Variants in CARMIL2 observed in about 807,000 individuals in gnomAD.
The protein encoded by CARMIL2 is capping protein, Arp2/3 and myosin-I linker protein 2.
Under a neutral mutation model 173.3 loss-of-function variants are expected in CARMIL2, and 96 were observed. The ratio of observed to expected loss-of-function variants is 0.55; its 90% confidence interval spans 0.47 to 0.66. The LOEUF is 0.66. Ranked by LOEUF, CARMIL2 falls within the 30% of genes least tolerant of loss-of-function variation. The probability of loss-of-function intolerance (pLI) is 0.00; values close to 1 mark genes in which losing one functional copy is unlikely to be tolerated. For missense variants in CARMIL2, 1,771 were observed against 1,906.7 expected (o/e 0.93, Z 1.33); for synonymous variants, 830 against 817.1 (o/e 1.02, Z -0.27).
rs2052752400 is a variant in CARMIL2 at position 67,652,821 on chromosome 16, C to T, written c.2885-198C>T. ...CGCATGCTGGGCGGCGGCGCGGAGC[C>T]GCGCGCGCTCGGGGCCGCGCTCAGC... On this transcript the variant is annotated intron_variant, in intron 28 of 37. Coordinates refer to ENST00000334583, the MANE Select transcript of CARMIL2 (RefSeq NM_001013838.3). This position sits in a 1 kb window ranked among gnomAD's most constrained non-coding sequence, Gnocchi z 4.7. The T allele has an allele frequency of 3.8e-6, 1 of 264,868 alleles. No homozygotes were observed. Among genetic ancestry groups the T allele is most frequent in the Non-Finnish European group, 7.1e-6 (1 of 140,946 alleles). 16.4% of individuals were successfully genotyped at this position (264,868 alleles called of 1,614,324 possible). A position where few individuals can be genotyped will look rare whatever the true frequency, so the allele number is the denominator to read the frequency against.
At position 67,654,191 on chromosome 16, in the gene CARMIL2, C is replaced by T. The variant is rs754865630; in HGVS notation, c.3163C>T (p.Arg1055Cys). The change falls in exon 30 of 38, where the codon CGC becomes TGC. Residue 1055 changes from arginine (R) to cysteine (C), a missense_variant. This residue lies in a region of CARMIL2 where 817 missense variants were observed against 903.5 expected (regional missense o/e 0.90). Transcript: ENST00000334583. ...LPQEGNGLSA[R>C]VDEGVEEFFS... is the part of the protein sequence containing the mutation. Reference sequence around the variant, plus strand: ...GCAGGAAGGGAATGGGCTCAGTGCCCGCGTGGACGAGGGCGTGGAGGAATT... The same window carrying T: ...GCAGGAAGGGAATGGGCTCAGTGCCTGCGTGGACGAGGGCGTGGAGGAATT... 2 of 1,569,494 alleles carry T rather than the reference C, an allele frequency of 1.3e-6. No homozygotes were observed. The highest frequency in any genetic ancestry group is 1.7e-6 in the Non-Finnish European group (2 of 1,157,814).
At chr16:67,655,944 T>C (rs2052839770) in intron 32 of CARMIL2, 87 bp from the exon 33 acceptor site, 2 of 1,493,842 alleles carry the variant, frequency 1.3e-6, no homozygotes, top group Admixed American at 2.0e-5. Context: ...GGGCATTCAG[T>C]GGCAGGATTA....
chr16:67,648,193 G>A lies in CARMIL2; in HGVS notation c.1213G>A (p.Gly405Arg). Residue 405 changes from glycine to arginine, a missense_variant, in exon 14 of 38, where the codon GGG becomes AGG. By Grantham distance (125) the Gly-to-Arg change is moderately radical. Coordinates refer to ENST00000334583, the MANE Select transcript of CARMIL2 (RefSeq NM_001013838.3). This position sits in a 1 kb window ranked among gnomAD's most constrained non-coding sequence, Gnocchi z 6.1. ...GGCGGACTGGAGGGCGGGACGGGGA[G>A]GGCTCGGTCCCCCCGCGGGTGTAGC... ...GRADWRAGRG[G>R]LGPPAGVANS... 1.2e-6 allele frequency: 2 copies of A among 1,607,536 alleles called. No homozygotes were observed. The highest frequency in any genetic ancestry group is 1.7e-6 in the Non-Finnish European group (2 of 1,177,578).
rs1207072472 is a variant in CARMIL2, at chr16:67,653,012, C to T, written c.2885-7C>T. ...CGCTCGGTGCTCTTCTGGTGCTGTC[C>T]CCTCAGGTGCTGCTGAGGAAGCGGA... is the stretch of plus-strand genomic sequence containing the variant. On this transcript the variant is annotated splice_polypyrimidine_tract_variant and splice_region_variant and intron_variant, in intron 28 of 37. Transcript: ENST00000334583. The surrounding 1 kb of genome is among the most constrained non-coding windows in gnomAD (Gnocchi z 7.4). 2.4e-6 allele frequency: 3 copies of T among 1,253,056 alleles called. No homozygotes were observed. Among genetic ancestry groups the T allele is most frequent in the Non-Finnish European group, 3.1e-6 (3 of 976,034 alleles). The allele number at this position is 1,253,056 out of a possible 1,614,324, so 77.6% of individuals were successfully genotyped here.
Position 67,646,322 on chromosome 16 carries a change from C to G in CARMIL2, c.374+12C>G, listed in dbSNP as rs779379712. ...CGCTCGACCCTTGGGTGAGGCCTGG[C>G]AAATTCGAGGGGCTGGCAGGGGAGG... On this transcript the variant is annotated intron_variant, in intron 5 of 37. Coordinates refer to ENST00000334583, the MANE Select transcript of CARMIL2 (RefSeq NM_001013838.3). This position sits in a 1 kb window ranked among gnomAD's most constrained non-coding sequence, Gnocchi z 4.6. 5.0e-6 allele frequency: 8 copies of G among 1,611,468 alleles called. No homozygotes were observed. The Admixed American group carries it at 1.3e-4, about 27-fold the overall frequency.
Position 67,654,622 on chromosome 16 carries a change from A to C in CARMIL2, c.3512A>C (p.Asp1171Ala). 6.3e-7 allele frequency: 1 copy of C among 1,598,588 alleles called. No individual in the cohort carries two copies. The highest frequency in any genetic ancestry group is 1.3e-5 in the African/African-American group (1 of 74,544). Residue 1171 changes from aspartate to alanine, a missense_variant, in exon 31 of 38, where the codon GAT (aspartate) becomes GCT (alanine). By Grantham distance (126) the Asp-to-Ala change is moderately radical. Transcript: ENST00000334583. ...AGGAGCCGACCTCGCTACACAAGAG[A>C]TAGCAAGGCCTACTCGATGATACTG... ...AGRSRPRYTR[D>A]SKAYSMILLP...
At position 67,646,059 on chromosome 16, in the gene CARMIL2, G is replaced by A. The variant is rs765042858; in HGVS notation, c.228G>A (p.Ala76=). 1.5e-5 allele frequency: 24 copies of A among 1,613,798 alleles called. No homozygotes were observed. The highest frequency in any genetic ancestry group is 1.2e-4 in the South Asian group (11 of 91,084). Residue 76 remains alanine (A), a synonymous_variant, in exon 4 of 38, where the codon GCG becomes GCA. Transcript: ENST00000334583. This position sits in a 1 kb window ranked among gnomAD's most constrained non-coding sequence, Gnocchi z 4.6. The part of the protein sequence containing the change: ...TFSYLEVQAM[A]LQETPPQVTF... The stretch of plus-strand genomic sequence containing the variant: ...GCTACCTGGAGGTCCAGGCCATGGC[G>A]CTGCAGGAGACACCCCCTCAGGTGA...
In CARMIL2 at chr16:67,651,063, A is replaced by G; in HGVS notation, c.2185-124A>G. The stretch of plus-strand genomic sequence containing the variant: ...CCCTCCTTGAACAGATAGGGTTCCA[A>G]AGTGGCTGGTCTAAGGGTGTCAGCT... On this transcript the variant is annotated intron_variant, in intron 22 of 37. Coordinates refer to ENST00000334583, the MANE Select transcript of CARMIL2 (RefSeq NM_001013838.3). This position sits in a 1 kb window ranked among gnomAD's most constrained non-coding sequence, Gnocchi z 4.2. The G allele has an allele frequency of 9.0e-7, 1 of 1,114,588 alleles. No individual in the cohort carries two copies. The highest frequency in any genetic ancestry group is 2.7e-5 in the Admixed American group (1 of 37,480). 69.0% of individuals were successfully genotyped at this position (1,114,588 alleles called of 1,614,324 possible).
At position 67,656,471 on chromosome 16, in the gene CARMIL2, A is replaced by C. The variant is rs2052858671; in HGVS notation, c.3862A>C (p.Thr1288Pro). ...AGGGAGCCAGGGGCCTGAGTCTGCCACCTGGAAGACACTGGGGCAGCAGTT... is the reference window on the plus strand; with the variant it reads ...AGGGAGCCAGGGGCCTGAGTCTGCCCCCTGGAAGACACTGGGGCAGCAGTT... ...GPGSQGPESA[T>P]WKTLGQQLNA... The change falls in exon 35 of 38, where the codon ACC becomes CCC. Residue 1288 changes from threonine to proline, a missense_variant. Coordinates refer to ENST00000334583, the MANE Select transcript of CARMIL2 (RefSeq NM_001013838.3). 1 of 1,612,082 alleles carries C rather than the reference A, an allele frequency of 6.2e-7. No homozygotes were observed. Among genetic ancestry groups the C allele is most frequent in the African/African-American group, 1.3e-5 (1 of 74,890 alleles).
chr16:67,648,198 C>G lies in CARMIL2; in HGVS notation c.1218C>G (p.Leu406=), dbSNP rs1398556971. The change falls in exon 14 of 38, where the codon CTC becomes CTG. Residue 406 remains leucine (L), a synonymous_variant. Transcript: ENST00000334583. This position sits in a 1 kb window ranked among gnomAD's most constrained non-coding sequence, Gnocchi z 6.1. ...RADWRAGRGG[L]GPPAGVANSL... is the part of the protein sequence containing the mutation. Reference sequence around the variant, plus strand: ...ACTGGAGGGCGGGACGGGGAGGGCTCGGTCCCCCCGCGGGTGTAGCCAACA... The same window carrying G: ...ACTGGAGGGCGGGACGGGGAGGGCTGGGTCCCCCCGCGGGTGTAGCCAACA... The G allele has an allele frequency of 6.2e-7, 1 of 1,605,262 alleles. No homozygotes were observed. Among genetic ancestry groups the G allele is most frequent in the Non-Finnish European group, 8.5e-7 (1 of 1,176,738 alleles).
At position 67,648,177 on chromosome 16, in the gene CARMIL2, G is replaced by C; in HGVS notation, c.1197G>C (p.Trp399Cys). 6.2e-7 allele frequency: 1 copy of C among 1,610,366 alleles called. No individual in the cohort carries two copies. Among genetic ancestry groups the C allele is most frequent in the Non-Finnish European group, 8.5e-7 (1 of 1,178,642 alleles). The part of the protein sequence containing the change: ...VGGWMTGRAD[W>C]RAGRGGLGPP... ...GATGGATGACCGGCAGGGCGGACTG[G>C]AGGGCGGGACGGGGAGGGCTCGGTC... The change falls in exon 14 of 38, where the codon TGG (tryptophan) becomes TGC (cysteine). Residue 399 changes from tryptophan (W) to cysteine (C), a missense_variant. Around this residue, in one of 3 missense-constraint regions of CARMIL2, gnomAD observed 944 missense variants for 975.6 expected, o/e 0.97. Transcript: ENST00000334583. The surrounding 1 kb of genome is among the most constrained non-coding windows in gnomAD (Gnocchi z 6.1).
chr16:67,649,370 T>C lies in CARMIL2; in HGVS notation c.1746+59T>C. 1 of 1,609,230 alleles carries C rather than the reference T, an allele frequency of 6.2e-7. No homozygotes were observed. On this transcript the variant is annotated intron_variant, in intron 19 of 37. Coordinates refer to ENST00000334583, the MANE Select transcript of CARMIL2 (RefSeq NM_001013838.3). The surrounding 1 kb of genome is among the most constrained non-coding windows in gnomAD (Gnocchi z 6.7). ...ATTAGACCACTTTGGTCCTCCTTTCTCTTGTTCCCTCAGACCCTGTGACCT... is the reference window on the plus strand; with the variant it reads ...ATTAGACCACTTTGGTCCTCCTTTCCCTTGTTCCCTCAGACCCTGTGACCT...
chr16:67,651,776 T>TGG lies in CARMIL2; in HGVS notation c.2520_2521dup (p.Ala841GlyfsTer46). The TGG allele has an allele frequency of 6.2e-7, 1 of 1,607,150 alleles. No individual in the cohort carries two copies. Among genetic ancestry groups the TGG allele is most frequent in the Non-Finnish European group, 8.5e-7 (1 of 1,177,448 alleles). ...TGGAGGGAGCAGCTAGAGGGGGTCC[T>TGG]GGCAGGCTCGAGGGGCCTCCCGGAG... is the stretch of plus-strand genomic sequence containing the variant. On this transcript the variant is annotated frameshift_variant, in exon 25 of 38. Coordinates refer to ENST00000334583, the MANE Select transcript of CARMIL2 (RefSeq NM_001013838.3). LOFTEE classifies it high-confidence loss of function. This position sits in a 1 kb window ranked among gnomAD's most constrained non-coding sequence, Gnocchi z 4.2.
chr16:67,645,492 G>T (rs769508219), intron 1 of CARMIL2, 48 bp from the exon 2 acceptor site: 9 of 1,504,208 alleles, frequency 6.0e-6, no homozygotes, highest in Non-Finnish European at 8.2e-6. Flanking sequence ...GGGCACCAGT[G>T]GCTTCTGTGC....
Position 67,648,893 on chromosome 16 carries a change from C to T in CARMIL2, c.1510C>T (p.Leu504=). 1 of 1,603,314 alleles carries T rather than the reference C, an allele frequency of 6.2e-7. No homozygotes were observed. Among genetic ancestry groups the T allele is most frequent in the Non-Finnish European group, 8.5e-7 (1 of 1,175,598 alleles). The change falls in exon 17 of 38, where the codon CTG becomes TTG. Residue 504 remains leucine, a splice_region_variant and synonymous_variant. Coordinates refer to ENST00000334583, the MANE Select transcript of CARMIL2 (RefSeq NM_001013838.3). This position sits in a 1 kb window ranked among gnomAD's most constrained non-coding sequence, Gnocchi z 6.1. The part of the protein sequence containing the change: ...DLHLDLSACE[L]RSAGAQVIQD... ...CCCACCTCCCACCTCCCACATACAG[C>T]TGCGCTCGGCCGGCGCCCAGGTGAT...
At chr16:67,655,268 C>T (rs2052819547) in intron 32 of CARMIL2, among the ~76,000 whole-genome samples, 1 of 152,150 alleles carries the variant, frequency 6.6e-6, no homozygotes, top group South Asian at 2.1e-4. Flanking sequence ...CCTGTCTCTA[C>T]TAAAAATACA....
Position 67,645,173 on chromosome 16 carries a change from G to C in CARMIL2, c.-74G>C. ...GGCTGCCGTGCGGGTCTGGGCCCCA[G>C]GCTTCCTGTGTGCGCGCTCGTCCTC... On this transcript the variant is annotated 5_prime_UTR_variant, in exon 1 of 38. Coordinates refer to ENST00000334583, the MANE Select transcript of CARMIL2 (RefSeq NM_001013838.3). 7.9e-7 allele frequency: 1 copy of C among 1,264,596 alleles called. No homozygotes were observed. Among genetic ancestry groups the C allele is most frequent in the Non-Finnish European group, 1.1e-6 (1 of 900,936 alleles). The allele number at this position is 1,264,596 out of a possible 1,614,324, so 78.3% of individuals were successfully genotyped here.
At position 67,649,074 on chromosome 16, in the gene CARMIL2, A is replaced by G. The variant is rs1228248013; in HGVS notation, c.1592-2A>G. 1 of 1,611,814 alleles carries G rather than the reference A, an allele frequency of 6.2e-7. No homozygotes were observed. Among genetic ancestry groups the G allele is most frequent in the Non-Finnish European group, 8.5e-7 (1 of 1,179,202 alleles). On this transcript the variant is annotated splice_acceptor_variant, in intron 17 of 37. Transcript: ENST00000334583. LOFTEE classifies it high-confidence loss of function. This position sits in a 1 kb window ranked among gnomAD's most constrained non-coding sequence, Gnocchi z 6.7. ...CTCGTGCGTGACCCGAGTCACCCCC[A>G]GGCTTCGGCTCAGACATGGTGACTC...
Position 67,646,648 on chromosome 16 carries a change from G to A in CARMIL2, c.467-66G>A, listed in dbSNP as rs1567626906. ...AGCCACCACCTAGTCTGTGGGTCTG[G>A]TCTTCCTCCATCGCTGATGTTTTGT... On this transcript the variant is annotated intron_variant, in intron 6 of 37. Coordinates refer to ENST00000334583, the MANE Select transcript of CARMIL2 (RefSeq NM_001013838.3). This position sits in a 1 kb window ranked among gnomAD's most constrained non-coding sequence, Gnocchi z 4.6. 1.0e-5 allele frequency: 16 copies of A among 1,588,690 alleles called. No individual in the cohort carries two copies. Among genetic ancestry groups the A allele is most frequent in the Non-Finnish European group, 1.4e-5 (16 of 1,157,370 alleles).
Sources: gnomAD v4.1 joint callset for allele counts (sites outside exome capture counted in the v4.1 genomes callset) on GRCh38, gnomAD v4.1.1 for gene constraint, gnomAD v4.1.1 regional missense constraint, Gnocchi (gnomAD v3.1) non-coding constraint, MANE v1.5 for transcripts, NCBI Gene and HGNC (gene_info 2026-07-23, HGNC 2026-07-21) for gene names.